Variants in PAM observed in about 807,000 individuals in gnomAD.
PAM encodes peptidylglycine alpha-amidating monooxygenase.
Under a neutral mutation model 122.1 loss-of-function variants are expected in PAM, and 72 were observed. The observed-to-expected ratio is 0.59, with a 90% CI of 0.49 to 0.72. PAM has a LOEUF of 0.72. Among genes scored for constraint, PAM ranks in the 30% least tolerant of loss-of-function variants. The pLI is 0.00. For missense variants in PAM, 1,106 were observed against 1,183.7 expected (o/e 0.93, Z 0.96); for synonymous variants, 389 against 404.4 (o/e 0.96, Z 0.46).
In PAM at chr5:102,948,465, T is replaced by C. The variant is rs1357073926; in HGVS notation, c.643+20T>C. On this transcript the variant is annotated intron_variant, in intron 9 of 25. Coordinates refer to ENST00000438793, the MANE Select transcript of PAM (RefSeq NM_001177306.2). ...AAAAAGGTGAGTAATGATTTTTTAA[T>C]ATTTACCATTACCTCATTACCTAAT... 1 of 1,203,240 alleles carries C rather than the reference T, an allele frequency of 8.3e-7. No individual in the cohort carries two copies. The highest frequency in any genetic ancestry group is 1.7e-5 in the Admixed American group (1 of 58,960). The allele number at this position is 1,203,240 out of a possible 1,614,324, so 74.5% of individuals were successfully genotyped here. A position where few individuals can be genotyped will look rare whatever the true frequency, so the allele number is the denominator to read the frequency against.
chr5:102,909,945 C>T (rs549336874), intron 4 of PAM, among the ~76,000 whole-genome samples: 1 of 151,910 alleles, frequency 6.6e-6, no homozygotes, highest in East Asian at 1.9e-4. Context: ...TAGTATTCCT[C>T]TACAGAATAT....
intron 7 of PAM, among the ~76,000 whole-genome samples, chr5:102,946,234 C>T (rs1756993278): frequency 6.6e-6 from 1 of 152,102 alleles, no homozygotes; most frequent in Non-Finnish European, 1.5e-5. Flanking sequence ...TGTTTGAGGG[C>T]ATTCAAGTTG....
rs373288215 is a variant in PAM, at chr5:102,866,082, G to T, written c.-114G>T. 1 of 586,158 alleles carries T rather than the reference G, an allele frequency of 1.7e-6. No individual in the cohort carries two copies. The highest frequency in any genetic ancestry group is 3.3e-5 in the East Asian group (1 of 30,642). The allele number at this position is 586,158 out of a possible 1,614,324, so 36.3% of individuals were successfully genotyped here. A position where few individuals can be genotyped will look rare whatever the true frequency, so the allele number is the denominator to read the frequency against. On this transcript the variant is annotated 5_prime_UTR_variant, in exon 2 of 26. Coordinates refer to ENST00000438793, the MANE Select transcript of PAM (RefSeq NM_001177306.2). ...GGTGTGTGGCCGCCGCAGGACGCCC[G>T]CCGTGCCCGGGCCATGAAGTAGCGG...
At chr5:102,911,651 T>G (rs1014896982) in intron 4 of PAM, among the ~76,000 whole-genome samples, 7 of 152,034 alleles carry the variant, frequency 4.6e-5, no homozygotes, top group Admixed American at 3.9e-4. Context: ...AATGAAAAGC[T>G]ACAGAGATTA....
At chr5:102,820,364 C>A (rs1771435273) in intron 1 of PAM, among the ~76,000 whole-genome samples, 1 of 152,026 alleles carries the variant, frequency 6.6e-6, no homozygotes. Flanking sequence ...AAAATAGTTT[C>A]AAAAGAATAT....
intron 21 of PAM, among the ~76,000 whole-genome samples, chr5:103,010,420 G>A (rs1301847280): frequency 1.3e-5 from 2 of 152,094 alleles, no homozygotes; most frequent in African/African-American, 2.4e-5. Flanking sequence ...TTATTCTAAC[G>A]TGCTTTTTAT....
intron 7 of PAM, among the ~76,000 whole-genome samples, chr5:102,938,035 G>A (rs1753850557): frequency 6.6e-6 from 1 of 152,106 alleles, no homozygotes; most frequent in Admixed American, 6.6e-5. Context: ...TTTCAGAATT[G>A]TAATCGGATA....
At chr5:102,870,316 A>C (rs1480127989) in intron 3 of PAM, among the ~76,000 whole-genome samples, 3 of 152,140 alleles carry the variant, frequency 2.0e-5, no homozygotes, top group Non-Finnish European at 4.4e-5. Context: ...GGAAAACTTG[A>C]GATTGTTAGG....
chr5:102,959,318 A>T (rs377563937), intron 12 of PAM, among the ~76,000 whole-genome samples: 2 of 152,078 alleles, frequency 1.3e-5, no homozygotes, highest in East Asian at 1.9e-4. Context: ...TGAATGTCTT[A>T]GTGGGGACAC....
At chr5:102,926,147 T>A (rs1193924151) in intron 6 of PAM, among the ~76,000 whole-genome samples, 2 of 152,136 alleles carry the variant, frequency 1.3e-5, no homozygotes, top group Non-Finnish European at 2.9e-5. Context: ...GACTGCGGAC[T>A]GCAGTGGCGC....
intron 14 of PAM, among the ~76,000 whole-genome samples, chr5:102,973,514 A>G (rs1766573702): frequency 6.6e-6 from 1 of 152,186 alleles, no homozygotes; most frequent in African/African-American, 2.4e-5. Context: ...CCTTTGCTCA[A>G]AAAATTATTT....
chr5:103,008,218 A>G (rs1210707745), intron 20 of PAM, among the ~76,000 whole-genome samples: 1 of 152,110 alleles, frequency 6.6e-6, no homozygotes, highest in African/African-American at 2.4e-5. Context: ...AACTTATATT[A>G]CAAAACAACT....
intron 3 of PAM, among the ~76,000 whole-genome samples, chr5:102,884,167 A>G (rs1792236115): frequency 2.0e-5 from 3 of 151,926 alleles, no homozygotes; most frequent in African/African-American, 7.2e-5. Flanking sequence ...GTAGCAATGG[A>G]GGAATATAAC....
chr5:102,999,827 A>G (rs1031771271), intron 16 of PAM, among the ~76,000 whole-genome samples: 2 of 152,202 alleles, frequency 1.3e-5, no homozygotes, highest in Non-Finnish European at 2.9e-5. Flanking sequence ...CAGAGCAGCA[A>G]GGCCCTAGGC....
At chr5:102,842,470 T>G (rs1404342369) in intron 1 of PAM, among the ~76,000 whole-genome samples, 1 of 152,180 alleles carries the variant, frequency 6.6e-6, no homozygotes, top group Non-Finnish European at 1.5e-5. Context: ...CCTGTCACCA[T>G]CTATGTAAGA....
chr5:102,765,666 A>G (rs1235346794), intron 1 of PAM, among the ~76,000 whole-genome samples: 1 of 152,200 alleles, frequency 6.6e-6, no homozygotes, highest in Non-Finnish European at 1.5e-5. Flanking sequence ...TCTAAGGCTA[A>G]AAGTCCAACA....
chr5:102,775,053 T>G (rs934493282), intron 1 of PAM, among the ~76,000 whole-genome samples: 1 of 152,064 alleles, frequency 6.6e-6, no homozygotes, highest in East Asian at 1.9e-4. Context: ...AATTTAATTT[T>G]ATATATGTTA....
chr5:102,799,733 C>T (rs1194613900), intron 1 of PAM, among the ~76,000 whole-genome samples: 1 of 152,200 alleles, frequency 6.6e-6, no homozygotes, highest in Non-Finnish European at 1.5e-5. Context: ...CAGACTCCGT[C>T]TCAACACACA....
At chr5:102,857,698 T>C (rs1783010798) in intron 1 of PAM, among the ~76,000 whole-genome samples, 1 of 152,192 alleles carries the variant, frequency 6.6e-6, no homozygotes, top group African/African-American at 2.4e-5. Flanking sequence ...CAGTTGCCAC[T>C]TCAGTAAAAT....
Sources: gnomAD v4.1 joint callset for allele counts (sites outside exome capture counted in the v4.1 genomes callset) on GRCh38, gnomAD v4.1.1 for gene constraint, MANE v1.5 for transcripts, NCBI Gene and HGNC (gene_info 2026-07-23, HGNC 2026-07-21) for gene names.